The following ETNK2 variants were observed in gnomAD, a reference collection of about 807,000 sequenced individuals.
ETNK2 encodes ethanolamine kinase 2, also known as ethanolamine kinase-like protein.
Under a neutral mutation model 46.2 loss-of-function variants are expected in ETNK2, and 33 were observed. That is an observed-to-expected ratio of 0.71 (90% confidence interval 0.54 to 0.96). The LOEUF is 0.96. ETNK2 is among the 40% of genes least tolerant of loss of function. ETNK2 has a pLI of 0.00. For synonymous variants in ETNK2, 194 were observed against 209.0 expected (o/e 0.93, Z 0.62); for missense variants, 445 against 509.7 (o/e 0.87, Z 1.22).
intron 4 of ETNK2, among the ~76,000 whole-genome samples, 176 bp from the exon 5 acceptor site, chr1:204,140,294 CCA>C (rs2102288856): frequency 7.3e-6 from 1 of 136,256 alleles, no homozygotes; most frequent in South Asian, 2.2e-4. Context: ...ATCCATCCAT[CCA>C]TCCATCCATC....
Position 204,141,347 on chromosome 1 carries a change from A to G in ETNK2, c.752T>C (p.Leu251Pro). 6.2e-7 allele frequency: 1 copy of G among 1,614,060 alleles called. No homozygotes were observed. Among genetic ancestry groups the G allele is most frequent in the Non-Finnish European group, 8.5e-7 (1 of 1,179,900 alleles). The change falls in exon 4 of 8, where the codon CTC becomes CCC. Residue 251 changes from leucine (L) to proline (P), a missense_variant. Leu to Pro is a moderately conservative substitution (Grantham distance 98). Coordinates refer to ENST00000367202, the MANE Select transcript of ETNK2 (RefSeq NM_018208.4). ...SPVVFCHNDL[L>P]CKNIIYDSIK... Reference sequence around the variant, plus strand: ...GCTGTCATAGATGATATTCTTGCAGAGCAGGTCATTGTGACAAAACACCAC... The same window carrying G: ...GCTGTCATAGATGATATTCTTGCAGGGCAGGTCATTGTGACAAAACACCAC...
At chr1:204,146,540 A>G in intron 3 of ETNK2, 102 bp downstream of exon 3, 2 of 1,394,554 alleles carry the variant, frequency 1.4e-6, no homozygotes, top group Non-Finnish European at 2.0e-6. Context: ...CTCCTCCCCG[A>G]GACCTAAGCC....
At chr1:204,144,373 A>G (rs1657697712) in intron 3 of ETNK2, among the ~76,000 whole-genome samples, 1 of 147,190 alleles carries the variant, frequency 6.8e-6, no homozygotes, top group Non-Finnish European at 1.5e-5. Context: ...AAAAAAAGCC[A>G]TTTCCTAGGG....
At position 204,133,489 on chromosome 1, in the gene ETNK2, T is replaced by A. The variant is rs1177972652; in HGVS notation, c.1088+1026A>T. ...CATCTCACCATGCTTTGCTTTTTTT[T>A]TTAATTAAATTTTATTTTTTTATCA... On this transcript the variant is annotated intron_variant, in intron 7 of 7. Transcript: ENST00000367202. 5.3e-5 allele frequency among the ~76,000 whole-genome samples: 8 copies of A among 151,694 alleles called. No individual in the cohort carries two copies. In the South Asian group the frequency reaches 1.2e-3, roughly 24 times the overall value.
chr1:204,135,673 A>C (rs1025420361), intron 6 of ETNK2, among the ~76,000 whole-genome samples: 6 of 152,196 alleles, frequency 3.9e-5, no homozygotes, highest in African/African-American at 1.4e-4. Flanking sequence ...TGATCACTAA[A>C]AAACTTAGCA....
chr1:204,145,200 G>C (rs1657733944), intron 3 of ETNK2, among the ~76,000 whole-genome samples: 1 of 152,224 alleles, frequency 6.6e-6, no homozygotes, highest in Admixed American at 6.5e-5. Context: ...AACTTGGTTT[G>C]TCCAAGGTTC....
intron 6 of ETNK2, among the ~76,000 whole-genome samples, chr1:204,135,140 T>C (rs1186554327): frequency 2.6e-5 from 4 of 152,192 alleles, no homozygotes; most frequent in African/African-American, 9.7e-5. Context: ...CCTGGGAGGC[T>C]GGTTGGGTTG....
chr1:204,136,338 G>A (rs891003323), intron 6 of ETNK2, among the ~76,000 whole-genome samples: 9 of 151,724 alleles, frequency 5.9e-5, no homozygotes, highest in African/African-American at 2.2e-4. Flanking sequence ...TCAGGCTGCA[G>A]TGAGCTATGA....
intron 3 of ETNK2, among the ~76,000 whole-genome samples, chr1:204,144,487 A>G (rs1003310014): frequency 2.1e-4 from 32 of 151,970 alleles, no homozygotes; most frequent in African/African-American, 7.0e-4. Context: ...TCACTTAATT[A>G]CATCACTCCC....
intron 3 of ETNK2, among the ~76,000 whole-genome samples, chr1:204,143,674 T>C (rs2102295582): frequency 6.6e-6 from 1 of 152,298 alleles, no homozygotes; most frequent in Admixed American, 6.5e-5. Flanking sequence ...GGGTTCCTCC[T>C]GATATTGGGA....
At chr1:204,148,318 G>T (rs775499959) in intron 2 of ETNK2, among the ~76,000 whole-genome samples, 8 of 152,122 alleles carry the variant, frequency 5.3e-5, no homozygotes, top group Admixed American at 1.3e-4. Context: ...AATTGTTTGC[G>T]TGACAGGATG....
chr1:204,152,001 C>G lies in ETNK2; in HGVS notation c.-149G>C. Reference sequence around the variant, plus strand: ...GCTTCGATCGCCGGCTCGCGGCCCGCCGCCCACCGCCGACCCCGGAGCGCC... The same window carrying G: ...GCTTCGATCGCCGGCTCGCGGCCCGGCGCCCACCGCCGACCCCGGAGCGCC... On this transcript the variant is annotated 5_prime_UTR_variant, in exon 1 of 8. Coordinates refer to ENST00000367202, the MANE Select transcript of ETNK2 (RefSeq NM_018208.4). The surrounding 1 kb of genome is among the most constrained non-coding windows in gnomAD (Gnocchi z 4.2). 1.2e-6 allele frequency: 1 copy of G among 812,802 alleles called. No individual in the cohort carries two copies. Among genetic ancestry groups the G allele is most frequent in the Non-Finnish European group, 1.7e-6 (1 of 603,316 alleles). The allele number at this position is 812,802 out of a possible 1,614,324, so 50.3% of individuals were successfully genotyped here.
chr1:204,136,713 CAAAAA>C (rs1345415026), intron 6 of ETNK2, among the ~76,000 whole-genome samples: 1 of 80,076 alleles, frequency 1.2e-5, no homozygotes. Context: ...GACTCTGCCT[CAAAAA>C]AAAAAAAAAA....
chr1:204,136,225 ATC>A (rs1403086291), intron 6 of ETNK2, among the ~76,000 whole-genome samples: 2 of 151,308 alleles, frequency 1.3e-5, no homozygotes. Flanking sequence ...GCAATAGCTG[ATC>A]TCCACAAAAA....
chr1:204,137,259 A>C lies in ETNK2; in HGVS notation c.869-10T>G, dbSNP rs745785459. ...TCCACCTCATTCACGCCTGAGGGGGAGGCAGGCCAGACAAAGTTGCTCAGA... is the reference window on the plus strand; with the variant it reads ...TCCACCTCATTCACGCCTGAGGGGGCGGCAGGCCAGACAAAGTTGCTCAGA... On this transcript the variant is annotated splice_polypyrimidine_tract_variant and intron_variant, in intron 5 of 7. Coordinates refer to ENST00000367202, the MANE Select transcript of ETNK2 (RefSeq NM_018208.4). The C allele has an allele frequency of 6.2e-7, 1 of 1,611,828 alleles. No homozygotes were observed. Among genetic ancestry groups the C allele is most frequent in the Non-Finnish European group, 8.5e-7 (1 of 1,178,796 alleles).
intron 4 of ETNK2, 77 bp from the exon 5 acceptor site, chr1:204,140,195 T>A (rs970268663): frequency 5.0e-6 from 6 of 1,206,782 alleles, no homozygotes; most frequent in Non-Finnish European, 7.4e-6. Context: ...TCCACAGACC[T>A]CTGGGATGCA....
chr1:204,146,120 G>C (rs1460444698), intron 3 of ETNK2, among the ~76,000 whole-genome samples: 1 of 152,158 alleles, frequency 6.6e-6, no homozygotes, highest in African/African-American at 2.4e-5. Context: ...GGACAAGAGG[G>C]GTCTTGGGAA....
chr1:204,149,211 C>T (rs1197007269), intron 2 of ETNK2, among the ~76,000 whole-genome samples: 2 of 152,180 alleles, frequency 1.3e-5, no homozygotes, highest in African/African-American at 2.4e-5. Context: ...GTTCCCACTT[C>T]GTCAAGGAGC....
At chr1:204,147,025 C>A in intron 2 of ETNK2, 4 of 606,972 alleles carry the variant, frequency 6.6e-6, no homozygotes, top group South Asian at 3.1e-5. Context: ...AGCAGAAGGG[C>A]AGAGCAGTGG....
Sources: allele counts gnomAD v4.1 joint callset (sites outside exome capture counted in the v4.1 genomes callset), GRCh38; gene constraint gnomAD v4.1.1; non-coding constraint Gnocchi (gnomAD v3.1); transcripts MANE v1.5; gene names NCBI Gene and HGNC (gene_info 2026-07-23, HGNC 2026-07-21).